The following COL5A1 variants were observed in gnomAD, a reference collection of about 807,000 sequenced individuals.
The protein encoded by COL5A1 is collagen alpha-1(V) chain.
A neutral mutation model predicts 263.7 loss-of-function variants in COL5A1; 16 were observed. The observed-to-expected ratio is 0.06, with a 90% CI of 0.04 to 0.09. The LOEUF (loss-of-function observed/expected upper bound fraction) is 0.09. COL5A1 is among the 10% of genes least tolerant of loss of function. The pLI, the probability that COL5A1 is intolerant of heterozygous loss-of-function variation, is 1.00. For synonymous variants in COL5A1, 1,012 were observed against 1,004.5 expected (o/e 1.01, Z -0.14); for missense variants, 2,036 against 2,540.5 (o/e 0.80, Z 4.27).
intron 26 of COL5A1, among the ~76,000 whole-genome samples, 185 bp from the exon 27 acceptor site, chr9:134,774,674 C>T (rs1836987828): frequency 6.6e-6 from 1 of 152,190 alleles, no homozygotes; most frequent in Non-Finnish European, 1.5e-5. Context: ...GCCACACCTC[C>T]ACTGTCAGTG....
intron 63 of COL5A1, among the ~76,000 whole-genome samples, chr9:134,826,964 C>T (rs1367453202): frequency 6.6e-6 from 1 of 152,182 alleles, no homozygotes; most frequent in African/African-American, 2.4e-5. Context: ...AGCCTTGGCC[C>T]AGGCGAGGAC....
In COL5A1 at chr9:134,678,754, C is replaced by T. The variant is rs76319192; in HGVS notation, c.110-12158C>T. The stretch of plus-strand genomic sequence containing the variant: ...GTGCAGACAAAATGAAACTGGCCCT[C>T]GCTGGAGGAACGGGTGGGCCGGGCC... On this transcript the variant is annotated intron_variant, in intron 1 of 65. Coordinates refer to ENST00000371817, the MANE Select transcript of COL5A1 (RefSeq NM_000093.5). The surrounding 1 kb of genome is among the most constrained non-coding windows in gnomAD (Gnocchi z 5.5). Among the ~76,000 whole-genome samples the T allele has an allele frequency of 1.9e-4, 29 of 152,336 alleles. No individual in the cohort carries two copies. Among genetic ancestry groups the T allele is most frequent in the African/African-American group, 5.8e-4 (24 of 41,574 alleles).
chr9:134,797,077 CA>C (rs1837941147), intron 36 of COL5A1, among the ~76,000 whole-genome samples, 176 bp downstream of exon 36: 1 of 152,252 alleles, frequency 6.6e-6, no homozygotes, highest in South Asian at 2.1e-4. Context: ...GAGACCCCCC[CA>C]CCGCCAAGGC....
intron 50 of COL5A1, 65 bp downstream of exon 50, chr9:134,814,969 CTGACTCACTGGCGG>C (rs1838685951): frequency 8.7e-7 from 1 of 1,148,686 alleles, no homozygotes; most frequent in East Asian, 2.6e-5. Context: ...TGGGATCATT[CTGACTCACTGGCGG>C]TGCACTCTGC....
intron 4 of COL5A1, among the ~76,000 whole-genome samples, chr9:134,704,659 G>C (rs146114256): frequency 0.023 from 3,502 of 152,282 alleles, 68 homozygotes; most frequent in Middle Eastern, 0.048. Flanking sequence ...AGTTGTTAAT[G>C]GTCTGGAGGA....
At chr9:134,726,614 G>A (rs1326229460) in intron 4 of COL5A1, among the ~76,000 whole-genome samples, 2 of 151,738 alleles carry the variant, frequency 1.3e-5, no homozygotes, top group Non-Finnish European at 2.9e-5. Flanking sequence ...ATGGATGGAT[G>A]GACAGATGAA....
Position 134,795,060 on chromosome 9 carries a change from C to T in COL5A1, c.2701-22C>T, listed in dbSNP as rs4072883. The T allele has an allele frequency of 0.59, 944,182 of 1,609,636 alleles. 281,966 individuals carry two copies. Among genetic ancestry groups the T allele is most frequent in the African/African-American group, 0.84 (62,864 of 74,910 alleles). ...GGCCGGGCATTTAGAGAGTGACTGA[C>T]CAGCCCCTTCTCTGATTCTAGGGGA... On this transcript the variant is annotated intron_variant, in intron 32 of 65. Transcript: ENST00000371817.
chr9:134,782,401 T>C (rs1349948540), intron 28 of COL5A1, among the ~76,000 whole-genome samples: 1 of 152,204 alleles, frequency 6.6e-6, no homozygotes, highest in Admixed American at 6.5e-5. Flanking sequence ...GGCCTCGCCA[T>C]GCAGAACATT....
At chr9:134,788,380 GTGGATGAA>G (rs911745356) in intron 31 of COL5A1, among the ~76,000 whole-genome samples, 5 of 151,706 alleles carry the variant, frequency 3.3e-5, no homozygotes, top group Non-Finnish European at 5.9e-5. Flanking sequence ...AAGTAGACAG[GTGGATGAA>G]TGGAGGGGTA....
chr9:134,785,848 G>A (rs951209930), intron 30 of COL5A1, 147 bp from the exon 31 acceptor site: 106 of 738,746 alleles, frequency 1.4e-4, no homozygotes, highest in Non-Finnish European at 2.3e-4. Flanking sequence ...GGCAGGCAGG[G>A]CTTCTGCATA....
intron 25 of COL5A1, 28 bp from the exon 26 acceptor site, chr9:134,772,762 C>CTAA (rs1167804050): frequency 6.2e-7 from 1 of 1,612,786 alleles, no homozygotes; most frequent in Non-Finnish European, 8.5e-7. Context: ...GTGGCACTGA[C>CTAA]TAATCAATGC....
chr9:134,718,744 CAG>C (rs749115861), intron 4 of COL5A1, among the ~76,000 whole-genome samples: 3 of 152,284 alleles, frequency 2.0e-5, no homozygotes, highest in East Asian at 3.9e-4. Flanking sequence ...GGGCTGCAGG[CAG>C]AGACTCAGGA....
chr9:134,676,146 C>A (rs1832677848), intron 1 of COL5A1, among the ~76,000 whole-genome samples: 1 of 152,078 alleles, frequency 6.6e-6, no homozygotes, highest in Non-Finnish European at 1.5e-5. Context: ...ATAAGCAGAC[C>A]TTCCCCTTCA....
rs551811507 is a variant in COL5A1, at chr9:134,734,000, C to G, written c.1389+1873C>G. ...TCTGCAGGATCCCAGTTCGGTTTCC[C>G]CTCCCCGCTCTGGGAGGGCCGGACT... is the stretch of plus-strand genomic sequence containing the variant. On this transcript the variant is annotated intron_variant, in intron 9 of 65. Coordinates refer to ENST00000371817, the MANE Select transcript of COL5A1 (RefSeq NM_000093.5). 5.3e-5 allele frequency among the ~76,000 whole-genome samples: 8 copies of G among 152,268 alleles called. No homozygotes were observed. The East Asian group carries it at 1.5e-3, about 29-fold the overall frequency.
intron 4 of COL5A1, among the ~76,000 whole-genome samples, chr9:134,714,025 C>T (rs1003382343): frequency 6.6e-6 from 1 of 152,238 alleles, no homozygotes; most frequent in East Asian, 1.9e-4. Flanking sequence ...CAGGCAAAGT[C>T]TGTTGCTTCT....
At chr9:134,722,216 G>A (rs567788674) in intron 4 of COL5A1, among the ~76,000 whole-genome samples, 56 of 152,328 alleles carry the variant, frequency 3.7e-4, no homozygotes, top group African/African-American at 1.3e-3. Flanking sequence ...TCCTACTATT[G>A]TCTGTTCACT....
intron 27 of COL5A1, among the ~76,000 whole-genome samples, chr9:134,775,902 G>T (rs917223418): frequency 1.3e-5 from 2 of 152,166 alleles, no homozygotes; most frequent in African/African-American, 4.8e-5. Flanking sequence ...GGGCATGGAG[G>T]CCAACTGGAA....
chr9:134,651,295 A>G (rs924699547), intron 1 of COL5A1, among the ~76,000 whole-genome samples: 3 of 152,204 alleles, frequency 2.0e-5, no homozygotes, highest in African/African-American at 7.2e-5. Flanking sequence ...CTAGAACCAG[A>G]AACACCATTT....
chr9:134,701,001 G>A (rs369847082), intron 3 of COL5A1, among the ~76,000 whole-genome samples, 170 bp from the exon 4 acceptor site: 1 of 152,010 alleles, frequency 6.6e-6, no homozygotes, highest in East Asian at 1.9e-4. Context: ...CATGGCACGG[G>A]GTGTTGCCCT....
Sources: gnomAD v4.1 joint callset for allele counts (sites outside exome capture counted in the v4.1 genomes callset) on GRCh38, gnomAD v4.1.1 for gene constraint, Gnocchi (gnomAD v3.1) non-coding constraint, MANE v1.5 for transcripts, NCBI Gene and HGNC (gene_info 2026-07-23, HGNC 2026-07-21) for gene names.